Variants in CBLIF observed in about 807,000 individuals in gnomAD.
The protein encoded by CBLIF is gastric intrinsic factor (vitamin B synthesis).
In CBLIF, 24 loss-of-function variants were observed where a neutral mutation model predicts 44.9. That is an observed-to-expected ratio of 0.53 (90% CI 0.39 to 0.75). The LOEUF is 0.75. Ranked by LOEUF, CBLIF falls within the 30% of genes least tolerant of loss-of-function variation. CBLIF has a pLI of 0.00. For synonymous variants in CBLIF, 183 were observed against 190.9 expected (o/e 0.96, Z 0.34); for missense variants, 481 against 513.0 (o/e 0.94, Z 0.60).
chr11:59,834,272 CT>C, intron 7 of CBLIF, among the ~76,000 whole-genome samples: 2 of 130,346 alleles, frequency 1.5e-5, no homozygotes, highest in Admixed American at 8.1e-5. Context: ...TTCTTTCTTT[CT>C]TTCTTTCTTT....
Position 59,836,022 on chromosome 11 carries a change from AAG to A in CBLIF, c.872-15_872-14del. On this transcript the variant is annotated splice_polypyrimidine_tract_variant and intron_variant, in intron 6 of 8. Coordinates refer to ENST00000257248, the MANE Select transcript of CBLIF (RefSeq NM_005142.3). ...TGTACCTCATGATCTGTGAAGGGCA[AAG>A]AGGCCACATTTGTCAAAGATTATGG... 1 of 1,607,980 alleles carries A rather than the reference AAG, an allele frequency of 6.2e-7. No homozygotes were observed. The highest frequency in any genetic ancestry group is 8.5e-7 in the Non-Finnish European group (1 of 1,174,282).
intron 1 of CBLIF, 162 bp downstream of exon 1, chr11:59,845,213 C>G (rs770094128): frequency 1.1e-6 from 1 of 949,794 alleles, no homozygotes; most frequent in Admixed American, 2.0e-5. Flanking sequence ...AGAACTTATG[C>G]TATTAAGTCA....
chr11:59,829,652 A>G (rs1362325455), intron 8 of CBLIF, 107 bp from the exon 9 acceptor site: 1 of 733,886 alleles, frequency 1.4e-6, no homozygotes, highest in East Asian at 2.6e-5. Flanking sequence ...AAATGTTTTT[A>G]AAGGAGTAAA....
At chr11:59,832,432 T>G (rs1003659999) in intron 7 of CBLIF, among the ~76,000 whole-genome samples, 2 of 152,006 alleles carry the variant, frequency 1.3e-5, no homozygotes, top group Non-Finnish European at 2.9e-5. Flanking sequence ...CATGACACAG[T>G]TTACCTATGT....
intron 8 of CBLIF, among the ~76,000 whole-genome samples, chr11:59,830,398 G>T (rs1252755888): frequency 2.0e-5 from 3 of 151,918 alleles, no homozygotes; most frequent in African/African-American, 7.2e-5. Flanking sequence ...CACCACGCCT[G>T]ACTAATTTTT....
At chr11:59,832,844 G>A (rs548535636) in intron 7 of CBLIF, among the ~76,000 whole-genome samples, 6 of 152,050 alleles carry the variant, frequency 3.9e-5, no homozygotes, top group Non-Finnish European at 8.8e-5. Flanking sequence ...TATGAGTGAT[G>A]GAATGAATAT....
In CBLIF at chr11:59,831,753, T is replaced by C. The variant is rs770193625; in HGVS notation, c.1117A>G (p.Ile373Val). 4.4e-6 allele frequency: 7 copies of C among 1,609,092 alleles called. No individual in the cohort carries two copies. The highest frequency in any genetic ancestry group is 3.3e-5 in the South Asian group (3 of 91,012). Residue 373 changes from isoleucine (I) to valine (V), a missense_variant, in exon 8 of 9, where the codon ATC becomes GTC. By Grantham distance (29) the Ile-to-Val change is conservative (BLOSUM62 3). Coordinates refer to ENST00000257248, the MANE Select transcript of CBLIF (RefSeq NM_005142.3). ...MTSWGLVVSS[I>V]NNIAENVNHK... ...TTAACATTTTCCGCGATATTGTTGA[T>C]AGAAGAGACGACAAGGCCCCAAGAT...
intron 8 of CBLIF, among the ~76,000 whole-genome samples, chr11:59,830,384 C>A (rs1866358429): frequency 6.6e-6 from 1 of 151,762 alleles, no homozygotes; most frequent in Admixed American, 6.6e-5. Flanking sequence ...CTACAGGCAC[C>A]CGCCACCACG....
chr11:59,829,352 G>T lies in CBLIF; in HGVS notation c.*132C>A, dbSNP rs915033917. 5 of 695,742 alleles carry T rather than the reference G, an allele frequency of 7.2e-6. No individual in the cohort carries two copies. The highest frequency in any genetic ancestry group is 1.3e-5 in the Non-Finnish European group (5 of 372,602). 43.1% of individuals were successfully genotyped at this position (695,742 alleles called of 1,614,324 possible). A position where few individuals can be genotyped will look rare whatever the true frequency, so the allele number is the denominator to read the frequency against. On this transcript the variant is annotated 3_prime_UTR_variant, in exon 9 of 9. Transcript: ENST00000257248. ...ACTTTGCATTTTTATTCTACATAGT[G>T]GTTCTCCATGTTTTTACCAGGAATA...
intron 5 of CBLIF, among the ~76,000 whole-genome samples, chr11:59,838,853 T>C (rs906637422): frequency 1.3e-5 from 2 of 148,384 alleles, no homozygotes; most frequent in Non-Finnish European, 1.5e-5. Flanking sequence ...TCTTTCTTTT[T>C]TTTTTTTTTT....
intron 5 of CBLIF, among the ~76,000 whole-genome samples, chr11:59,839,140 C>T (rs527504282): frequency 1.7e-4 from 26 of 152,276 alleles, no homozygotes; most frequent in African/African-American, 4.8e-4. Context: ...TGAGCCATCA[C>T]GCCTGGCCTA....
chr11:59,833,141 A>G (rs555784759), intron 7 of CBLIF, among the ~76,000 whole-genome samples: 47 of 152,348 alleles, frequency 3.1e-4, no homozygotes, highest in African/African-American at 1.1e-3. Context: ...TAATACATTT[A>G]TAATCAGAAA....
chr11:59,833,252 C>T (rs1189064619), intron 7 of CBLIF, among the ~76,000 whole-genome samples: 1 of 152,194 alleles, frequency 6.6e-6, no homozygotes, highest in African/African-American at 2.4e-5. Context: ...CGCAGTGGCT[C>T]ACGCCAGTAA....
At chr11:59,839,035 G>A (rs1305778321) in intron 5 of CBLIF, among the ~76,000 whole-genome samples, 1 of 151,896 alleles carries the variant, frequency 6.6e-6, no homozygotes, top group Non-Finnish European at 1.5e-5. Context: ...TTTTAGTAGA[G>A]ATGGGGTTTC....
chr11:59,835,747 T>A, intron 7 of CBLIF, 61 bp downstream of exon 7: 1 of 1,331,100 alleles, frequency 7.5e-7, no homozygotes, highest in Non-Finnish European at 1.1e-6. Flanking sequence ...ACAGGATGGA[T>A]AAAAAATGGG....
intron 5 of CBLIF, 102 bp from the exon 6 acceptor site, chr11:59,837,453 T>C: frequency 1.2e-6 from 1 of 865,196 alleles, no homozygotes; most frequent in Non-Finnish European, 1.9e-6. Context: ...ATCATGGTGA[T>C]CACGTAGTCA....
At chr11:59,840,825 G>C (rs937740221) in intron 5 of CBLIF, among the ~76,000 whole-genome samples, 3 of 152,004 alleles carry the variant, frequency 2.0e-5, no homozygotes, top group African/African-American at 7.2e-5. Flanking sequence ...GTAATAGTCT[G>C]TAACTATTAC....
intron 6 of CBLIF, 44 bp downstream of exon 6, chr11:59,837,130 C>T: frequency 7.0e-7 from 1 of 1,429,712 alleles, no homozygotes; most frequent in Non-Finnish European, 9.9e-7. Context: ...TCATTTCTGG[C>T]ATAAGTTGCT....
chr11:59,841,584 A>G (rs1866529940), intron 4 of CBLIF, among the ~76,000 whole-genome samples: 1 of 152,210 alleles, frequency 6.6e-6, no homozygotes, highest in African/African-American at 2.4e-5. Flanking sequence ...TGACAACCAG[A>G]AGTAAATAAG....
Sources: gnomAD v4.1 joint callset for allele counts (sites outside exome capture counted in the v4.1 genomes callset) on GRCh38, gnomAD v4.1.1 for gene constraint, MANE v1.5 for transcripts, NCBI Gene and HGNC (gene_info 2026-07-23, HGNC 2026-07-21) for gene names.